Variants in FGGY observed in about 807,000 individuals in gnomAD.
FGGY encodes FGGY carbohydrate kinase domain containing, also known as FGGY carbohydrate kinase domain-containing protein.
In FGGY, 72 loss-of-function variants were observed where a neutral mutation model predicts 71.3. That is an observed-to-expected ratio of 1.01 (90% confidence interval 0.84 to 1.23). The LOEUF is 1.23. Ranked by LOEUF, FGGY falls within the 50% of genes most tolerant of loss-of-function variation. The pLI, the probability that FGGY is intolerant of heterozygous loss-of-function variation, is 0.00. For missense variants in FGGY, 668 were observed against 682.3 expected, an observed-to-expected ratio of 0.98 and a Z score of 0.23; for synonymous variants, 251 against 250.3, an observed-to-expected ratio of 1.00 and a Z score of -0.02.
chr1:59,700,156 T>A (rs957046724), intron 14 of FGGY, among the ~76,000 whole-genome samples: 7 of 152,332 alleles, frequency 4.6e-5, no homozygotes, highest in African/African-American at 1.4e-4. Context: ...TACATTAAGT[T>A]CAAAATAGGT....
At chr1:59,369,316 C>T (rs892303920) in intron 4 of FGGY, among the ~76,000 whole-genome samples, 1 of 152,176 alleles carries the variant, frequency 6.6e-6, no homozygotes, top group Non-Finnish European at 1.5e-5. Flanking sequence ...ATTGCTAGCA[C>T]AGCAGTCTGA....
At chr1:59,493,834 A>T (rs1397259351) in intron 6 of FGGY, among the ~76,000 whole-genome samples, 1 of 152,236 alleles carries the variant, frequency 6.6e-6, no homozygotes, top group Admixed American at 6.5e-5. Flanking sequence ...AATTTTTAAA[A>T]ACAATGAAAA....
intron 10 of FGGY, chr1:59,626,586 G>A (rs546015084): frequency 2.6e-5 from 4 of 152,284 alleles, no homozygotes; most frequent in African/African-American, 7.2e-5. Flanking sequence ...GGCCAGGTGC[G>A]GTGGCTCACT....
At chr1:59,461,088 T>A (rs2092162941) in intron 6 of FGGY, among the ~76,000 whole-genome samples, 1 of 152,124 alleles carries the variant, frequency 6.6e-6, no homozygotes, top group South Asian at 2.1e-4. Context: ...TTGACAGAAG[T>A]AGGCTTCAGA....
chr1:59,570,053 C>G (rs2153732783), intron 8 of FGGY, among the ~76,000 whole-genome samples: 1 of 152,286 alleles, frequency 6.6e-6, no homozygotes, highest in East Asian at 1.9e-4. Context: ...CTCCATTGAG[C>G]TGCAAGCCAG....
chr1:59,413,491 C>G (rs775205353), intron 5 of FGGY, among the ~76,000 whole-genome samples: 11 of 152,122 alleles, frequency 7.2e-5, no homozygotes, highest in Non-Finnish European at 1.6e-4. Flanking sequence ...GTGGGTGAGA[C>G]AGGAGTATAA....
intron 5 of FGGY, among the ~76,000 whole-genome samples, chr1:59,379,601 A>G (rs1376171547): frequency 6.6e-6 from 1 of 152,130 alleles, no homozygotes; most frequent in East Asian, 1.9e-4. Context: ...TATAGACTTT[A>G]TAAACACTGT....
chr1:59,373,290 T>C (rs1440243187), intron 4 of FGGY, among the ~76,000 whole-genome samples: 1 of 151,952 alleles, frequency 6.6e-6, no homozygotes, highest in Non-Finnish European at 1.5e-5. Flanking sequence ...AAATCATGAG[T>C]GAACTCCCAT....
At chr1:59,640,196 C>A (rs1029305196) in intron 11 of FGGY, among the ~76,000 whole-genome samples, 1 of 152,154 alleles carries the variant, frequency 6.6e-6, no homozygotes, top group Non-Finnish European at 1.5e-5. Context: ...TGCAATGGAA[C>A]AGTTATCACT....
At chr1:59,545,605 A>G (rs1426601933) in intron 7 of FGGY, among the ~76,000 whole-genome samples, 1 of 152,160 alleles carries the variant, frequency 6.6e-6, no homozygotes, top group African/African-American at 2.4e-5. Context: ...TAAGTCTCAA[A>G]TTTCCAAGCT....
At chr1:59,576,679 C>CAG (rs1176388535) in intron 8 of FGGY, among the ~76,000 whole-genome samples, 55 of 101,778 alleles carry the variant, frequency 5.4e-4, no homozygotes, top group South Asian at 9.6e-4. Flanking sequence ...GACAGACAGA[C>CAG]ACACACACAC....
At chr1:59,342,067 G>A (rs1327885901) in intron 3 of FGGY, among the ~76,000 whole-genome samples, 1 of 152,120 alleles carries the variant, frequency 6.6e-6, no homozygotes, top group South Asian at 2.1e-4. Flanking sequence ...GATACTAAGA[G>A]TCCTGTTTCA....
At chr1:59,698,696 C>G in intron 14 of FGGY, 2 of 939,926 alleles carry the variant, frequency 2.1e-6, no homozygotes, top group Non-Finnish European at 2.5e-6. Flanking sequence ...ACAGCTGTCC[C>G]CAAAGGGATG....
Position 59,503,893 on chromosome 1 carries a change from C to T in FGGY, c.671-8418C>T, listed in dbSNP as rs555927441. The stretch of plus-strand genomic sequence containing the variant: ...TCAGTGACCCCCTCTGGTCCTTCTT[C>T]ACCTGCCCAAGGTAGGATGCTAATT... On this transcript the variant is annotated intron_variant, in intron 6 of 15. Coordinates refer to ENST00000303721, the MANE Select transcript of FGGY (RefSeq NM_018291.5). Among the ~76,000 whole-genome samples, 37 of 152,090 alleles carry T rather than the reference C, an allele frequency of 2.4e-4. No homozygotes were observed. In the South Asian group the frequency reaches 7.5e-3, roughly 31 times the overall value.
At chr1:59,698,827 G>C (rs1200479566) in intron 14 of FGGY, 2 of 985,242 alleles carry the variant, frequency 2.0e-6, no homozygotes, top group Non-Finnish European at 2.4e-6. Context: ...TAATATGTGT[G>C]TGCCCACAGC....
At chr1:59,335,669 C>G (rs1004305924) in intron 2 of FGGY, among the ~76,000 whole-genome samples, 4 of 152,180 alleles carry the variant, frequency 2.6e-5, no homozygotes, top group African/African-American at 7.2e-5. Context: ...CCACAATTCT[C>G]TAACACTTGG....
chr1:59,748,156 A>G (rs1327091594), intron 14 of FGGY, among the ~76,000 whole-genome samples: 2 of 148,726 alleles, frequency 1.3e-5, no homozygotes, highest in Non-Finnish European at 3.0e-5. Context: ...GCTAAAAGCT[A>G]GGGATACTTC....
At chr1:59,702,698 C>T (rs375778779) in intron 14 of FGGY, among the ~76,000 whole-genome samples, 1 of 152,142 alleles carries the variant, frequency 6.6e-6, no homozygotes, top group Admixed American at 6.6e-5. Flanking sequence ...AGCAACTAGC[C>T]ATCTTCAAAC....
At chr1:59,391,973 T>G (rs1189981684) in intron 5 of FGGY, among the ~76,000 whole-genome samples, 1 of 152,060 alleles carries the variant, frequency 6.6e-6, no homozygotes, top group African/African-American at 2.4e-5. Flanking sequence ...GATCTCGTGT[T>G]TCAGGGAACA....
Sources: allele counts gnomAD v4.1 joint callset (sites outside exome capture counted in the v4.1 genomes callset), GRCh38; gene constraint gnomAD v4.1.1; transcripts MANE v1.5; gene names NCBI Gene and HGNC (gene_info 2026-07-23, HGNC 2026-07-21).